HTR1F: variants seen among roughly 807,000 people sequenced by gnomAD.
HTR1F encodes the protein 5-hydroxytryptamine receptor 1F.
HTR1F carries 17 observed loss-of-function variants against 24.0 expected under a neutral mutation model. The ratio of observed to expected loss-of-function variants is 0.71; its 90% confidence interval spans 0.48 to 1.06. The LOEUF (loss-of-function observed/expected upper bound fraction) is 1.06, where lower values mean the gene tolerates loss of function less well. Ranked by LOEUF, HTR1F falls within the 50% of genes least tolerant of loss-of-function variation. The pLI, the probability that HTR1F is intolerant of heterozygous loss-of-function variation, is 0.00. For synonymous variants in HTR1F, 186 were observed against 156.8 expected, an observed-to-expected ratio of 1.19 and a Z score of -1.39; for missense variants, 391 against 427.8, an observed-to-expected ratio of 0.91 and a Z score of 0.76.
intron 2 of HTR1F, among the ~76,000 whole-genome samples, chr3:87,936,570 G>A (rs1268291384): frequency 6.6e-6 from 1 of 152,052 alleles, no homozygotes; most frequent in African/African-American, 2.4e-5. Flanking sequence ...CCACAGACTG[G>A]AGGTAAAATC....
At chr3:87,842,562 T>A (rs761244310) in intron 2 of HTR1F, among the ~76,000 whole-genome samples, 9 of 152,010 alleles carry the variant, frequency 5.9e-5, no homozygotes, top group African/African-American at 2.2e-4. Flanking sequence ...TAAGTTTCAA[T>A]AAAATAATTT....
At chr3:87,952,208 T>C (rs1704849197) in intron 2 of HTR1F, among the ~76,000 whole-genome samples, 1 of 152,118 alleles carries the variant, frequency 6.6e-6, no homozygotes, top group South Asian at 2.1e-4. Context: ...GAAACATGTT[T>C]ATATTTTACT....
intron 2 of HTR1F, among the ~76,000 whole-genome samples, chr3:87,911,888 C>T (rs959671881): frequency 6.6e-6 from 1 of 152,064 alleles, no homozygotes; most frequent in African/African-American, 2.4e-5. Context: ...CAAAAACCCT[C>T]AATAAACTGG....
intron 2 of HTR1F, among the ~76,000 whole-genome samples, chr3:87,962,260 G>T (rs1705078363): frequency 6.6e-6 from 1 of 151,998 alleles, no homozygotes; most frequent in Non-Finnish European, 1.5e-5. Context: ...GGGGAAAATG[G>T]AAAACTAAAA....
chr3:87,975,889 T>C (rs1353454717), intron 2 of HTR1F, among the ~76,000 whole-genome samples: 1 of 152,208 alleles, frequency 6.6e-6, no homozygotes, highest in Non-Finnish European at 1.5e-5. Context: ...CATTCTGTAA[T>C]ACCATTAATT....
intron 2 of HTR1F, among the ~76,000 whole-genome samples, chr3:87,941,641 C>T (rs535382545): frequency 1.1e-4 from 16 of 152,210 alleles, no homozygotes; most frequent in Admixed American, 5.9e-4. Flanking sequence ...GGAGTAAAAC[C>T]GTCCAGGTGA....
intron 2 of HTR1F, among the ~76,000 whole-genome samples, chr3:87,890,708 A>T (rs1265074234): frequency 6.6e-6 from 1 of 152,172 alleles, no homozygotes; most frequent in African/African-American, 2.4e-5. Flanking sequence ...ATATTATGGG[A>T]TGAGAAAGGC....
intron 2 of HTR1F, among the ~76,000 whole-genome samples, chr3:87,989,291 G>C (rs1443294158): frequency 6.6e-6 from 1 of 152,170 alleles, no homozygotes; most frequent in African/African-American, 2.4e-5. Context: ...CATTACAATG[G>C]TGACTTATAC....
intron 1 of HTR1F, among the ~76,000 whole-genome samples, chr3:87,805,447 A>G (rs1187677572): frequency 4.6e-5 from 7 of 151,972 alleles, no homozygotes; most frequent in Non-Finnish European, 1.0e-4. Context: ...TATGAGTTCC[A>G]CGCATTTCTT....
chr3:87,845,233 A>G (rs1475939754), intron 2 of HTR1F, among the ~76,000 whole-genome samples: 3 of 150,964 alleles, frequency 2.0e-5, no homozygotes, highest in African/African-American at 7.4e-5. Flanking sequence ...TTCTGGCCAG[A>G]GCAATTAGGC....
chr3:87,897,025 A>C (rs1706212813), intron 2 of HTR1F, among the ~76,000 whole-genome samples: 2 of 152,084 alleles, frequency 1.3e-5, no homozygotes, highest in Non-Finnish European at 2.9e-5. Flanking sequence ...TTAAAAATAG[A>C]ATTACCATAT....
chr3:87,968,444 C>T (rs1416115420), intron 2 of HTR1F, among the ~76,000 whole-genome samples: 1 of 152,114 alleles, frequency 6.6e-6, no homozygotes, highest in Non-Finnish European at 1.5e-5. Context: ...AAACCCTGAC[C>T]TCAGGTGATC....
At chr3:87,843,296 T>C (rs2919240) in intron 2 of HTR1F, among the ~76,000 whole-genome samples, 69,155 of 151,770 alleles carry the variant, frequency 0.46, 20,081 homozygotes, top group African/African-American at 0.83. Flanking sequence ...TGATATGCTT[T>C]GCTGCATTCT....
chr3:87,852,969 T>G (rs1259197131), intron 2 of HTR1F, among the ~76,000 whole-genome samples: 2 of 87,854 alleles, frequency 2.3e-5, no homozygotes, highest in South Asian at 2.6e-4. Flanking sequence ...GTAGTGGCTG[T>G]TTTTTTTTTT....
At chr3:87,854,793 C>T (rs1705162965) in intron 2 of HTR1F, among the ~76,000 whole-genome samples, 1 of 152,010 alleles carries the variant, frequency 6.6e-6, no homozygotes, top group Non-Finnish European at 1.5e-5. Context: ...GACATTCTTC[C>T]TCTTCCATTC....
At chr3:87,849,223 G>A (rs1019753125) in intron 2 of HTR1F, among the ~76,000 whole-genome samples, 2 of 151,904 alleles carry the variant, frequency 1.3e-5, no homozygotes, top group Non-Finnish European at 2.9e-5. Context: ...CAAGGCTACG[G>A]TAACCAAAAC....
At chr3:87,923,576 G>T (rs1449391690) in intron 2 of HTR1F, among the ~76,000 whole-genome samples, 1 of 151,638 alleles carries the variant, frequency 6.6e-6, no homozygotes, top group Non-Finnish European at 1.5e-5. Flanking sequence ...TTTGAATGTT[G>T]ATCTTGTACC....
At chr3:87,942,466 C>T (rs549426306) in intron 2 of HTR1F, among the ~76,000 whole-genome samples, 11 of 152,212 alleles carry the variant, frequency 7.2e-5, no homozygotes, top group East Asian at 1.9e-4. Context: ...GCGCTTGCCC[C>T]GGGCACCCTC....
chr3:87,822,274 T>A (rs767232380), intron 2 of HTR1F, among the ~76,000 whole-genome samples, 150 bp downstream of exon 2: 8 of 152,170 alleles, frequency 5.3e-5, no homozygotes, highest in Non-Finnish European at 1.2e-4. Context: ...CCAGAGCCAC[T>A]GATCATTGGT....
Sources: allele counts gnomAD v4.1 joint callset (sites outside exome capture counted in the v4.1 genomes callset), GRCh38; gene constraint gnomAD v4.1.1; transcripts MANE v1.5; gene names NCBI Gene and HGNC (gene_info 2026-07-23, HGNC 2026-07-21).